Variants in CTNNA1 observed in about 807,000 individuals in gnomAD.
CTNNA1 encodes catenin alpha-1.
CTNNA1 carries 37 observed loss-of-function variants against 98.4 expected under a neutral mutation model. That is an observed-to-expected ratio of 0.38 (90% CI 0.29 to 0.49). The LOEUF (loss-of-function observed/expected upper bound fraction) is 0.49. Ranked by LOEUF, CTNNA1 falls within the 20% of genes least tolerant of loss-of-function variation. The probability of loss-of-function intolerance (pLI) is 0.95; values close to 1 mark genes in which losing one functional copy is unlikely to be tolerated. For synonymous variants in CTNNA1, 404 were observed against 413.2 expected, an observed-to-expected ratio of 0.98 and a Z score of 0.27; for missense variants, 761 against 1,147.2, an observed-to-expected ratio of 0.66 and a Z score of 4.86.
intron 3 of CTNNA1, among the ~76,000 whole-genome samples, chr5:138,795,638 A>G (rs1169756230): frequency 6.6e-6 from 1 of 152,160 alleles, no homozygotes; most frequent in African/African-American, 2.4e-5. Flanking sequence ...GCATTCATTA[A>G]ATCCAGGGCT....
intron 1 of CTNNA1, among the ~76,000 whole-genome samples, chr5:138,776,679 C>G (rs1476438875): frequency 1.4e-5 from 2 of 146,176 alleles, no homozygotes; most frequent in South Asian, 2.2e-4. Flanking sequence ...GGGGGCTGAC[C>G]CCCCCACCTC....
chr5:138,813,067 G>C (rs182315593), intron 5 of CTNNA1, among the ~76,000 whole-genome samples: 1 of 152,302 alleles, frequency 6.6e-6, no homozygotes, highest in Admixed American at 6.5e-5. Context: ...AGAAAACCCA[G>C]CTCCCAAACT....
intron 1 of CTNNA1, among the ~76,000 whole-genome samples, chr5:138,768,040 G>T (rs1377917462): frequency 6.6e-6 from 1 of 152,148 alleles, no homozygotes; most frequent in Non-Finnish European, 1.5e-5. Flanking sequence ...TCCATATTCA[G>T]ATTCAGATTC....
At position 138,902,699 on chromosome 5, in the gene CTNNA1, A is replaced by C. The variant is rs560022471; in HGVS notation, c.1297-1650A>C. ...CTCCCAAAGTGCTGGGATTACAGGCATGAGCCACCGTGCCCGGTACACCAG... is the reference window on the plus strand; with the variant it reads ...CTCCCAAAGTGCTGGGATTACAGGCCTGAGCCACCGTGCCCGGTACACCAG... On this transcript the variant is annotated intron_variant, in intron 9 of 17. Transcript: ENST00000302763. Among the ~76,000 whole-genome samples, 14 of 152,324 alleles carry C rather than the reference A, an allele frequency of 9.2e-5. No homozygotes were observed. The South Asian group carries it at 2.9e-3, about 32-fold the overall frequency.
intron 3 of CTNNA1, among the ~76,000 whole-genome samples, chr5:138,798,955 A>G (rs1757252228): frequency 6.6e-6 from 1 of 151,906 alleles, no homozygotes; most frequent in African/African-American, 2.4e-5. Context: ...TATAAATTTA[A>G]ACTAACAGGT....
intron 10 of CTNNA1, among the ~76,000 whole-genome samples, chr5:138,908,489 G>A (rs747447170): frequency 3.3e-5 from 5 of 152,014 alleles, no homozygotes; most frequent in Non-Finnish European, 7.4e-5. Context: ...GCAACAGAGC[G>A]AGACCCCATC....
At position 138,874,560 on chromosome 5, in the gene CTNNA1, C is replaced by A. The variant is rs1159560033; in HGVS notation, c.1063-11652C>A. 2.6e-6 allele frequency: 4 copies of A among 1,511,234 alleles called. No individual in the cohort carries two copies. The highest frequency in any genetic ancestry group is 8.9e-7 in the Non-Finnish European group (1 of 1,117,456). The allele number at this position is 1,511,234 out of a possible 1,614,324, so 93.6% of individuals were successfully genotyped here. On this transcript the variant is annotated intron_variant, in intron 7 of 17. Coordinates refer to ENST00000302763, the MANE Select transcript of CTNNA1 (RefSeq NM_001903.5). This position sits in a 1 kb window ranked among gnomAD's most constrained non-coding sequence, Gnocchi z 4.1. Reference sequence around the variant, plus strand: ...AATGGCCACTTGAAATGTAAGCCTGCAGAATATAATTTAAGGAAAACAAGA... The same window carrying A: ...AATGGCCACTTGAAATGTAAGCCTGAAGAATATAATTTAAGGAAAACAAGA...
intron 3 of CTNNA1, among the ~76,000 whole-genome samples, chr5:138,808,706 A>AT (rs896817704): frequency 4.6e-5 from 7 of 151,178 alleles, no homozygotes; most frequent in African/African-American, 1.7e-4. Flanking sequence ...AAAAAAAAAA[A>AT]ATTCAGGGAA....
At chr5:138,790,749 G>C (rs567814854) in intron 3 of CTNNA1, among the ~76,000 whole-genome samples, 1 of 152,176 alleles carries the variant, frequency 6.6e-6, no homozygotes, top group South Asian at 2.1e-4. Context: ...TTAATGGTAG[G>C]ACAAGATTAT....
chr5:138,899,302 G>A (rs1036673980), intron 9 of CTNNA1, among the ~76,000 whole-genome samples: 1 of 152,002 alleles, frequency 6.6e-6, no homozygotes, highest in Non-Finnish European at 1.5e-5. Context: ...CCTTCCATGA[G>A]GTAAAATTTT....
intron 3 of CTNNA1, among the ~76,000 whole-genome samples, chr5:138,794,977 C>T (rs1379152511): frequency 6.6e-6 from 1 of 151,662 alleles, no homozygotes; most frequent in African/African-American, 2.4e-5. Context: ...TGGTGAAACT[C>T]TGTCTCTACT....
At chr5:138,863,294 G>A (rs1206411507) in intron 7 of CTNNA1, among the ~76,000 whole-genome samples, 1 of 152,070 alleles carries the variant, frequency 6.6e-6, no homozygotes, top group Non-Finnish European at 1.5e-5. Flanking sequence ...GGAGGGTAGT[G>A]GTGTGATCAC....
intron 7 of CTNNA1, among the ~76,000 whole-genome samples, chr5:138,876,319 T>C (rs1250788547): frequency 1.3e-5 from 2 of 152,266 alleles, no homozygotes; most frequent in Non-Finnish European, 2.9e-5. Flanking sequence ...CCTACTGCTG[T>C]TGTTAGAACC....
chr5:138,842,113 A>G (rs1762322752), intron 7 of CTNNA1, among the ~76,000 whole-genome samples: 1 of 152,216 alleles, frequency 6.6e-6, no homozygotes, highest in African/African-American at 2.4e-5. Flanking sequence ...CGGCCGGGGC[A>G]ACATGGCAAA....
rs1181905655 is a variant in CTNNA1 at position 138,776,668 on chromosome 5, G to A, written c.-2-5255G>A. Among the ~76,000 whole-genome samples the A allele has an allele frequency of 6.2e-4, 91 of 146,334 alleles. 1 individual carries two copies. The highest frequency in any genetic ancestry group is 2.1e-4 in the East Asian group (1 of 4,816). On this transcript the variant is annotated intron_variant, in intron 1 of 17. Transcript: ENST00000302763. ...TCCCGGACGGGGCGGCTGGCCGGGC[G>A]GGGGGCTGACCCCCCCACCTCCCTC...
At chr5:138,892,111 T>C (rs1045879630) in intron 9 of CTNNA1, among the ~76,000 whole-genome samples, 1 of 152,082 alleles carries the variant, frequency 6.6e-6, no homozygotes, top group African/African-American at 2.4e-5. Context: ...GTCTCATGAT[T>C]CCCTAAAATG....
At chr5:138,844,952 T>G (rs1421142799) in intron 7 of CTNNA1, among the ~76,000 whole-genome samples, 1 of 152,206 alleles carries the variant, frequency 6.6e-6, no homozygotes, top group Non-Finnish European at 1.5e-5. Context: ...AGAAGCAGTC[T>G]TCTTTCCCCA....
At chr5:138,794,923 G>A (rs1007276411) in intron 3 of CTNNA1, among the ~76,000 whole-genome samples, 1 of 152,130 alleles carries the variant, frequency 6.6e-6, no homozygotes, top group African/African-American at 2.4e-5. Flanking sequence ...GCTGAGGCAG[G>A]TAGATCACCT....
At chr5:138,773,416 A>G (rs757488768) in intron 1 of CTNNA1, among the ~76,000 whole-genome samples, 12 of 152,230 alleles carry the variant, frequency 7.9e-5, no homozygotes, top group Non-Finnish European at 1.6e-4. Context: ...GGGAACACAG[A>G]TGAGGCAGTG....
Sources: gnomAD v4.1 joint callset for allele counts (sites outside exome capture counted in the v4.1 genomes callset) on GRCh38, gnomAD v4.1.1 for gene constraint, Gnocchi (gnomAD v3.1) non-coding constraint, MANE v1.5 for transcripts, NCBI Gene and HGNC (gene_info 2026-07-23, HGNC 2026-07-21) for gene names.